ACOT13: variants seen among roughly 807,000 people sequenced by gnomAD.
ACOT13 encodes the protein acyl-coenzyme A thioesterase 13.
Under a neutral mutation model 11.8 loss-of-function variants are expected in ACOT13, and 10 were observed. That is an observed-to-expected ratio of 0.85 (90% CI 0.53 to 1.44). ACOT13 has a LOEUF of 1.44. Ranked by LOEUF, ACOT13 falls within the 40% of genes most tolerant of loss-of-function variation. The pLI is 0.00. For synonymous variants in ACOT13, 53 were observed against 61.0 expected (o/e 0.87, Z 0.61); for missense variants, 172 against 174.1 (o/e 0.99, Z 0.07).
intron 1 of ACOT13, among the ~76,000 whole-genome samples, chr6:24,670,044 A>G (rs115778524): frequency 0.02 from 3,027 of 152,336 alleles, 88 homozygotes; most frequent in African/African-American, 0.065. Context: ...AGAAAATAAT[A>G]AAAATTGAAA....
chr6:24,681,513 T>C (rs1167353880), intron 1 of ACOT13, among the ~76,000 whole-genome samples: 1 of 127,716 alleles, frequency 7.8e-6, no homozygotes, highest in Non-Finnish European at 1.7e-5. Flanking sequence ...TTTTATTCTA[T>C]CTTTTTCTTT....
At chr6:24,698,135 C>A (rs979269613) in intron 2 of ACOT13, 68 bp downstream of exon 2, 1 of 1,318,504 alleles carries the variant, frequency 7.6e-7, no homozygotes, top group Non-Finnish European at 1.0e-6. Context: ...AGACTAAACA[C>A]ATTTATATTA....
At chr6:24,686,697 C>A (rs1318924463) in intron 1 of ACOT13, among the ~76,000 whole-genome samples, 2 of 144,564 alleles carry the variant, frequency 1.4e-5, no homozygotes, top group Admixed American at 1.4e-4. Flanking sequence ...TTCTCTTCTT[C>A]TTTTCTTTTC....
intron 1 of ACOT13, among the ~76,000 whole-genome samples, chr6:24,692,947 A>AAC (rs1431368608): frequency 4.5e-4 from 69 of 152,340 alleles, no homozygotes; most frequent in African/African-American, 1.6e-3. Context: ...GAACCATGGT[A>AAC]CTTTTATAGC....
Position 24,697,903 on chromosome 6 carries a change from TC to T in ACOT13, c.104del (p.Pro35LeufsTer4), listed in dbSNP as rs752469354. 1.4e-4 allele frequency: 233 copies of T among 1,610,578 alleles called. 1 individual carries two copies. In the South Asian group the frequency reaches 2.5e-3, roughly 17 times the overall value. ...LGKITLVSAA[P>X]GKVICEMKVE... is the part of the protein sequence containing the mutation. ...CTTAGATTACTCTTGTCTCTGCTGC[TC>T]CTGGGAAAGTGATTTGTGAAATGAA... is the stretch of plus-strand genomic sequence containing the variant. On this transcript the variant is annotated frameshift_variant, in exon 2 of 3. Coordinates refer to ENST00000230048, the MANE Select transcript of ACOT13 (RefSeq NM_018473.4). LOFTEE classifies it high-confidence loss of function.
At chr6:24,693,507 C>T (rs954962333) in intron 1 of ACOT13, among the ~76,000 whole-genome samples, 1 of 152,166 alleles carries the variant, frequency 6.6e-6, no homozygotes. Context: ...ATCTGAGATG[C>T]CAAGGCTTAA....
intron 1 of ACOT13, among the ~76,000 whole-genome samples, chr6:24,678,320 G>A (rs1247126527): frequency 3.3e-5 from 5 of 152,204 alleles, no homozygotes; most frequent in Admixed American, 6.5e-5. Flanking sequence ...AGGTATAGCA[G>A]GGTATAGAGG....
chr6:24,696,081 CA>C (rs999400566), intron 1 of ACOT13, among the ~76,000 whole-genome samples: 3 of 151,906 alleles, frequency 2.0e-5, no homozygotes, highest in Non-Finnish European at 4.4e-5. Flanking sequence ...AACAAAAAAA[CA>C]AAAAACAAAA....
intron 1 of ACOT13, among the ~76,000 whole-genome samples, chr6:24,672,837 T>C (rs1778385287): frequency 1.3e-5 from 2 of 152,206 alleles, no homozygotes; most frequent in Non-Finnish European, 2.9e-5. Flanking sequence ...ATTTGGACCT[T>C]ACAGTCTTAC....
chr6:24,680,129 C>T (rs1778523707), intron 1 of ACOT13, among the ~76,000 whole-genome samples: 2 of 152,240 alleles, frequency 1.3e-5, no homozygotes, highest in South Asian at 2.1e-4. Context: ...GCATAAACCA[C>T]ACTTTTTACA....
intron 1 of ACOT13, among the ~76,000 whole-genome samples, chr6:24,685,724 T>A (rs887768234): frequency 1.3e-5 from 2 of 151,838 alleles, no homozygotes; most frequent in African/African-American, 4.9e-5. Context: ...CCGAGGGACA[T>A]TGGCAAAGTC....
Position 24,701,778 on chromosome 6 carries a change from CT to C in ACOT13, c.*169del. The stretch of plus-strand genomic sequence containing the variant: ...TCAAGTAGGGTAAAGGTGGGGGTGT[CT>C]TTTTTCACTTTAAGCATCTTGTTTT... On this transcript the variant is annotated 3_prime_UTR_variant, in exon 3 of 3. Coordinates refer to ENST00000230048, the MANE Select transcript of ACOT13 (RefSeq NM_018473.4). 5.0e-6 allele frequency: 3 copies of C among 597,598 alleles called. No homozygotes were observed. Among genetic ancestry groups the C allele is most frequent in the Non-Finnish European group, 8.0e-6 (3 of 372,748 alleles). 37.0% of individuals were successfully genotyped at this position (597,598 alleles called of 1,614,324 possible).
At chr6:24,682,152 G>A (rs1015620914) in intron 1 of ACOT13, among the ~76,000 whole-genome samples, 43 of 152,332 alleles carry the variant, frequency 2.8e-4, no homozygotes, top group African/African-American at 9.1e-4. Flanking sequence ...TCTTAAGTCC[G>A]GCGGCCACGC....
intron 1 of ACOT13, among the ~76,000 whole-genome samples, chr6:24,677,865 G>A (rs536698149): frequency 2.0e-5 from 3 of 152,194 alleles, no homozygotes; most frequent in Non-Finnish European, 2.9e-5. Flanking sequence ...GGCTGGATAC[G>A]TTCCTCACTG....
chr6:24,697,747 A>G (rs1465824909), intron 1 of ACOT13, 136 bp from the exon 2 acceptor site: 5 of 647,450 alleles, frequency 7.7e-6, no homozygotes, highest in Non-Finnish European at 1.2e-5. Flanking sequence ...AATTTCTATC[A>G]GAGATTGGCA....
In ACOT13 at chr6:24,704,027, G is replaced by C. The variant is rs990271308; in HGVS notation, c.*2412G>C. On this transcript the variant is annotated 3_prime_UTR_variant, in exon 3 of 3. Coordinates refer to ENST00000230048, the MANE Select transcript of ACOT13 (RefSeq NM_018473.4). Reference sequence around the variant, plus strand: ...AATTCAATGATCCTGTACTCTAGAGGGGGGGATCTAAAACAAGCTACCAAG... The same window carrying C: ...AATTCAATGATCCTGTACTCTAGAGCGGGGGATCTAAAACAAGCTACCAAG... The C allele has an allele frequency of 6.6e-6, 1 of 152,216 alleles. No homozygotes were observed. The highest frequency in any genetic ancestry group is 6.5e-5 in the Admixed American group (1 of 15,302). 9.4% of individuals were successfully genotyped at this position (152,216 alleles called of 1,614,324 possible).
At position 24,702,849 on chromosome 6, in the gene ACOT13, T is replaced by C. The variant is rs1328388555; in HGVS notation, c.*1234T>C. ...ACCATGCAGATCTCAAACCTCCAAG[T>C]CTATAGTATTGAAAAGACCAAGTTC... is the stretch of plus-strand genomic sequence containing the variant. On this transcript the variant is annotated 3_prime_UTR_variant, in exon 3 of 3. Transcript: ENST00000230048. 1 of 151,904 alleles carries C rather than the reference T, an allele frequency of 6.6e-6. No individual in the cohort carries two copies. The highest frequency in any genetic ancestry group is 2.4e-5 in the African/African-American group (1 of 41,348). 9.4% of individuals were successfully genotyped at this position (151,904 alleles called of 1,614,324 possible).
Position 24,689,764 on chromosome 6 carries a change from T to A in ACOT13, c.82-8119T>A, listed in dbSNP as rs1778694003. 2.0e-5 allele frequency among the ~76,000 whole-genome samples: 3 copies of A among 152,164 alleles called. No individual in the cohort carries two copies. The South Asian group carries it at 6.2e-4, about 32-fold the overall frequency. ...TTAAAAATCTAATAAAAACAGTAAG[T>A]TAGATGGCGCAGAGATAGGATTGAA... On this transcript the variant is annotated intron_variant, in intron 1 of 2. Transcript: ENST00000230048.
At chr6:24,689,152 T>G (rs1369684321) in intron 1 of ACOT13, among the ~76,000 whole-genome samples, 1 of 151,254 alleles carries the variant, frequency 6.6e-6, no homozygotes, top group Non-Finnish European at 1.5e-5. Flanking sequence ...AGAAAAAGAC[T>G]CCGTCTCAAA....
Sources: allele counts gnomAD v4.1 joint callset (sites outside exome capture counted in the v4.1 genomes callset), GRCh38; gene constraint gnomAD v4.1.1; transcripts MANE v1.5; gene names NCBI Gene and HGNC (gene_info 2026-07-23, HGNC 2026-07-21).